Variants in TRDN observed in about 807,000 individuals in gnomAD.
The protein encoded by TRDN is triadin.
TRDN carries 161 observed loss-of-function variants against 149.7 expected under a neutral mutation model. That is an observed-to-expected ratio of 1.08 (90% CI 0.95 to 1.23). TRDN has a LOEUF of 1.23. Ranked by LOEUF, TRDN falls within the 50% of genes most tolerant of loss-of-function variation. The pLI is 0.00. For synonymous variants in TRDN, 294 were observed against 250.5 expected (o/e 1.17, Z -1.64); for missense variants, 896 against 823.5 (o/e 1.09, Z -1.08).
intron 8 of TRDN, among the ~76,000 whole-genome samples, chr6:123,497,685 G>A (rs1342775752): frequency 2.0e-5 from 3 of 152,090 alleles, no homozygotes; most frequent in Non-Finnish European, 4.4e-5. Flanking sequence ...CAGCCCTTCT[G>A]CTAATTGTCT....
chr6:123,455,640 TTTTG>T lies in TRDN; in HGVS notation c.931+9262_931+9265del, dbSNP rs371556135. Among the ~76,000 whole-genome samples, 790 of 152,232 alleles carry T rather than the reference TTTTG, an allele frequency of 5.2e-3. 6 individuals carry two copies. The highest frequency in any genetic ancestry group is 0.018 in the African/African-American group (733 of 41,546). ...AGATAACTCCATAAATTACAAATGC[TTTTG>T]TTTGTTTGTTTGGTGTTGCTGACTT... On this transcript the variant is annotated intron_variant, in intron 10 of 40. Transcript: ENST00000334268.
At chr6:123,602,434 T>C (rs1050565585) in intron 1 of TRDN, among the ~76,000 whole-genome samples, 1 of 107,422 alleles carries the variant, frequency 9.3e-6, no homozygotes. Flanking sequence ...GAGGGAAGGG[T>C]TGTAGGGGGG....
intron 9 of TRDN, among the ~76,000 whole-genome samples, chr6:123,479,403 C>T (rs904481640): frequency 2.6e-5 from 4 of 152,196 alleles, no homozygotes; most frequent in Non-Finnish European, 5.9e-5. Flanking sequence ...AACAGCTCTA[C>T]TAACATATAG....
At chr6:123,331,992 A>C in intron 22 of TRDN, 63 bp from the exon 23 acceptor site, 1 of 1,265,804 alleles carries the variant, frequency 7.9e-7, no homozygotes, top group South Asian at 1.4e-5. Flanking sequence ...ATACCTATAA[A>C]TGAAGTCAGT....
chr6:123,506,251 T>C (rs1452561541), intron 7 of TRDN, among the ~76,000 whole-genome samples: 1 of 152,148 alleles, frequency 6.6e-6, no homozygotes, highest in African/African-American at 2.4e-5. Context: ...AGCATAATAA[T>C]AAAACTACCT....
chr6:123,447,191 C>T (rs1227883657), intron 10 of TRDN, among the ~76,000 whole-genome samples: 1 of 151,866 alleles, frequency 6.6e-6, no homozygotes, highest in Admixed American at 6.6e-5. Flanking sequence ...TAACAACAAA[C>T]AACTAACAAG....
chr6:123,383,992 A>C (rs575675953), intron 14 of TRDN, among the ~76,000 whole-genome samples: 1 of 152,286 alleles, frequency 6.6e-6, no homozygotes, highest in African/African-American at 2.4e-5. Context: ...TTCTTAATTA[A>C]CCCCAGCTCT....
intron 1 of TRDN, among the ~76,000 whole-genome samples, chr6:123,591,632 C>T (rs1293419218): frequency 6.6e-6 from 1 of 152,148 alleles, no homozygotes; most frequent in Non-Finnish European, 1.5e-5. Context: ...TGAGTATACA[C>T]ATCTCACGAA....
intron 1 of TRDN, among the ~76,000 whole-genome samples, chr6:123,571,884 T>G (rs1487295414): frequency 1.3e-5 from 2 of 152,240 alleles, no homozygotes; most frequent in South Asian, 4.1e-4. Flanking sequence ...TGTAATTTTA[T>G]GGCTGTGCGT....
Position 123,503,706 on chromosome 6 carries a change from T to A in TRDN, c.793+13A>T. 6.2e-7 allele frequency: 1 copy of A among 1,613,590 alleles called. No individual in the cohort carries two copies. On this transcript the variant is annotated intron_variant, in intron 8 of 40. Transcript: ENST00000334268. ...CTTAGAACCTCCGGCAGCCTCCTGC[T>A]CTGAATGTTTACCTTTCTGTTCATG...
chr6:123,291,300 C>G (rs1778002529), intron 24 of TRDN, among the ~76,000 whole-genome samples: 1 of 152,032 alleles, frequency 6.6e-6, no homozygotes, highest in Admixed American at 6.6e-5. Context: ...TGCGGTGGAT[C>G]ACGCCTGTAA....
intron 24 of TRDN, among the ~76,000 whole-genome samples, chr6:123,290,811 T>G (rs1777983445): frequency 6.6e-6 from 1 of 152,132 alleles, no homozygotes; most frequent in South Asian, 2.1e-4. Context: ...TTTCAAAATA[T>G]GAGGGAACCA....
intron 9 of TRDN, among the ~76,000 whole-genome samples, chr6:123,474,145 C>T (rs1341598142): frequency 6.8e-6 from 1 of 147,298 alleles, no homozygotes; most frequent in African/African-American, 2.5e-5. Context: ...AAGACACAGA[C>T]TGGCAAATTG....
At chr6:123,306,658 T>C (rs747335438) in intron 24 of TRDN, among the ~76,000 whole-genome samples, 1 of 152,070 alleles carries the variant, frequency 6.6e-6, no homozygotes, top group Non-Finnish European at 1.5e-5. Flanking sequence ...CACTCACCAA[T>C]GGGAGCTGGC....
intron 6 of TRDN, among the ~76,000 whole-genome samples, chr6:123,512,665 A>G (rs1032719634): frequency 2.6e-5 from 4 of 152,198 alleles, no homozygotes; most frequent in Admixed American, 2.6e-4. Flanking sequence ...AAAATTTTCT[A>G]TAAGAATTTG....
At chr6:123,524,020 C>CT (rs1474000924) in intron 5 of TRDN, among the ~76,000 whole-genome samples, 4 of 152,260 alleles carry the variant, frequency 2.6e-5, no homozygotes, top group Admixed American at 2.6e-4. Flanking sequence ...ATTAGGGCAG[C>CT]TAGGCCCAAA....
At chr6:123,383,304 A>T (rs1240424755) in intron 14 of TRDN, among the ~76,000 whole-genome samples, 1 of 152,102 alleles carries the variant, frequency 6.6e-6, no homozygotes, top group Non-Finnish European at 1.5e-5. Flanking sequence ...TGGTGAAGGT[A>T]ATGTCCCACT....
At chr6:123,414,906 C>T (rs1207334204) in intron 12 of TRDN, among the ~76,000 whole-genome samples, 1 of 151,968 alleles carries the variant, frequency 6.6e-6, no homozygotes, top group Non-Finnish European at 1.5e-5. Context: ...TATACAGAAA[C>T]TTTAACATAT....
chr6:123,496,140 T>C (rs1313359940), intron 9 of TRDN, among the ~76,000 whole-genome samples: 2 of 147,356 alleles, frequency 1.4e-5, no homozygotes, highest in Admixed American at 6.8e-5. Flanking sequence ...TAAATTATAA[T>C]ATATATTTAG....
Sources: allele counts gnomAD v4.1 joint callset (sites outside exome capture counted in the v4.1 genomes callset), GRCh38; gene constraint gnomAD v4.1.1; transcripts MANE v1.5; gene names NCBI Gene and HGNC (gene_info 2026-07-23, HGNC 2026-07-21).